The following TMEFF1 variants were observed in gnomAD, a reference collection of about 807,000 sequenced individuals.
The protein encoded by TMEFF1 is transmembrane protein with EGF like and two follistatin like domains 1.
A neutral mutation model predicts 47.5 loss-of-function variants in TMEFF1; 20 were observed. The observed-to-expected ratio is 0.42, with a 90% confidence interval of 0.30 to 0.61. The LOEUF is 0.61. TMEFF1 is among the 20% of genes least tolerant of loss of function. TMEFF1 has a pLI of 0.19. For synonymous variants in TMEFF1, 162 were observed against 166.3 expected (o/e 0.97, Z 0.20); for missense variants, 411 against 471.1 (o/e 0.87, Z 1.18).
chr9:100,576,686 C>CA lies in TMEFF1; in HGVS notation c.*86_*87insA. 6.7e-7 allele frequency: 1 copy of CA among 1,498,022 alleles called. No homozygotes were observed. The highest frequency in any genetic ancestry group is 1.3e-5 in the South Asian group (1 of 74,866). 92.8% of individuals were successfully genotyped at this position (1,498,022 alleles called of 1,614,324 possible). A position where few individuals can be genotyped will look rare whatever the true frequency, so the allele number is the denominator to read the frequency against. On this transcript the variant is annotated 3_prime_UTR_variant, in exon 10 of 10. Transcript: ENST00000374879. ...AGAATGGAAATATTTATTTCAGAGGCCTTATTTTTGGACATTTTTAGTGTA... is the reference window on the plus strand; with the variant it reads ...AGAATGGAAATATTTATTTCAGAGGCACTTATTTTTGGACATTTTTAGTGTA...
intron 5 of TMEFF1, among the ~76,000 whole-genome samples, chr9:100,547,160 T>TACAC (rs1392955265): frequency 1.3e-5 from 2 of 152,022 alleles, no homozygotes; most frequent in African/African-American, 4.8e-5. Context: ...AGACCACAGG[T>TACAC]ACACACCACT....
At chr9:100,533,481 C>A (rs984926435) in intron 5 of TMEFF1, among the ~76,000 whole-genome samples, 1 of 152,076 alleles carries the variant, frequency 6.6e-6, no homozygotes, top group African/African-American at 2.4e-5. Context: ...TAGTCTGTTT[C>A]ATTACTGATA....
At chr9:100,520,517 C>T (rs150362060) in intron 5 of TMEFF1, among the ~76,000 whole-genome samples, 205 of 152,094 alleles carry the variant, frequency 1.3e-3, no homozygotes, top group African/African-American at 4.4e-3. Context: ...TAAGTGATAC[C>T]GTGTAAGTTA....
intron 5 of TMEFF1, 113 bp downstream of exon 5, chr9:100,516,884 T>G (rs1587832239): frequency 7.6e-7 from 1 of 1,321,288 alleles, no homozygotes; most frequent in East Asian, 2.6e-5. Flanking sequence ...GTTTTCAAAT[T>G]TTTTTTTTGT....
At chr9:100,491,683 C>T (rs1467409725) in intron 1 of TMEFF1, among the ~76,000 whole-genome samples, 1 of 152,124 alleles carries the variant, frequency 6.6e-6, no homozygotes. Context: ...GAAGGCAGAA[C>T]ATTTACTATA....
At chr9:100,573,859 G>T (rs1229956008) in intron 9 of TMEFF1, among the ~76,000 whole-genome samples, 1 of 152,262 alleles carries the variant, frequency 6.6e-6, no homozygotes, top group Admixed American at 6.5e-5. Context: ...CCTTAGGCAA[G>T]ACTACTGAAT....
intron 5 of TMEFF1, among the ~76,000 whole-genome samples, chr9:100,539,846 G>A (rs1346977945): frequency 6.6e-6 from 1 of 152,146 alleles, no homozygotes; most frequent in East Asian, 1.9e-4. Context: ...TTTACAGGGG[G>A]CTGATTGGTC....
Position 100,527,099 on chromosome 9 carries a change from C to T in TMEFF1, c.560+10328C>T, listed in dbSNP as rs368557717. ...CGGAGGTTGCAGTGAGCCAAAATCG[C>T]GCCACTGCACTCCAGCCTGGGCGAC... On this transcript the variant is annotated intron_variant, in intron 5 of 9. Transcript: ENST00000374879. Among the ~76,000 whole-genome samples the T allele has an allele frequency of 5.0e-4, 75 of 151,032 alleles. 1 individual carries two copies. In the Middle Eastern group the frequency reaches 0.01, roughly 21 times the overall value.
chr9:100,516,925 T>A (rs944782880), intron 5 of TMEFF1, among the ~76,000 whole-genome samples, 154 bp downstream of exon 5: 1 of 152,242 alleles, frequency 6.6e-6, no homozygotes, highest in South Asian at 2.1e-4. Flanking sequence ...TTTAAATTGA[T>A]ATAATACTAT....
At chr9:100,498,517 T>G (rs926135971) in intron 1 of TMEFF1, among the ~76,000 whole-genome samples, 1 of 152,126 alleles carries the variant, frequency 6.6e-6, no homozygotes, top group Non-Finnish European at 1.5e-5. Context: ...TTATGTTAAG[T>G]CCTGAAATTT....
At chr9:100,543,553 G>A (rs1230000298) in intron 5 of TMEFF1, among the ~76,000 whole-genome samples, 2 of 151,856 alleles carry the variant, frequency 1.3e-5, no homozygotes, top group African/African-American at 4.8e-5. Context: ...ATGAAATTGA[G>A]TTTCTCCAGA....
intron 5 of TMEFF1, among the ~76,000 whole-genome samples, chr9:100,529,974 A>C (rs1240959072): frequency 6.6e-6 from 1 of 152,134 alleles, no homozygotes; most frequent in East Asian, 1.9e-4. Context: ...GAAACTGAAC[A>C]ACCTGCTCCT....
chr9:100,486,626 C>T (rs962420855), intron 1 of TMEFF1, among the ~76,000 whole-genome samples: 7 of 152,130 alleles, frequency 4.6e-5, no homozygotes, highest in Admixed American at 4.6e-4. Context: ...GTCAGATCTC[C>T]TTCTGGGATG....
intron 8 of TMEFF1, among the ~76,000 whole-genome samples, chr9:100,571,514 T>A (rs1839239789): frequency 6.6e-6 from 1 of 152,158 alleles, no homozygotes; most frequent in Admixed American, 6.5e-5. Context: ...AATGCATATG[T>A]TAATTAGCTT....
chr9:100,558,280 T>TTA (rs1011698138), intron 7 of TMEFF1, among the ~76,000 whole-genome samples: 6 of 152,090 alleles, frequency 3.9e-5, no homozygotes, highest in African/African-American at 1.4e-4. Flanking sequence ...GACTCTATCC[T>TTA]TATAGGACTT....
chr9:100,545,544 T>C (rs1838717663), intron 5 of TMEFF1, among the ~76,000 whole-genome samples: 1 of 152,216 alleles, frequency 6.6e-6, no homozygotes, highest in Non-Finnish European at 1.5e-5. Context: ...GGGGCTGCCA[T>C]GAAGACCTCT....
intron 1 of TMEFF1, 30 bp from the exon 2 acceptor site, chr9:100,498,735 T>C: frequency 2.5e-6 from 4 of 1,609,910 alleles, no homozygotes; most frequent in Non-Finnish European, 3.4e-6. Flanking sequence ...AAGCCAAATA[T>C]ATATGTCAAA....
At chr9:100,531,774 T>C (rs1353303643) in intron 5 of TMEFF1, among the ~76,000 whole-genome samples, 7 of 152,186 alleles carry the variant, frequency 4.6e-5, no homozygotes, top group African/African-American at 7.2e-5. Context: ...GAGCCCGCAT[T>C]GCCAAGTCAA....
At chr9:100,571,921 C>A (rs959840874) in intron 8 of TMEFF1, among the ~76,000 whole-genome samples, 3 of 152,080 alleles carry the variant, frequency 2.0e-5, no homozygotes, top group Admixed American at 2.0e-4. Flanking sequence ...GTTTGCGCTC[C>A]TATGAGAATC....
Sources: allele counts gnomAD v4.1 joint callset (sites outside exome capture counted in the v4.1 genomes callset), GRCh38; gene constraint gnomAD v4.1.1; transcripts MANE v1.5; gene names NCBI Gene and HGNC (gene_info 2026-07-23, HGNC 2026-07-21).